COL19A1: variants seen among roughly 807,000 people sequenced by gnomAD.
COL19A1 encodes collagen type XIX alpha 1 chain, also known as collagen alpha-1(XIX) chain.
A neutral mutation model predicts 190.2 loss-of-function variants in COL19A1; 159 were observed. The observed-to-expected ratio is 0.84, with a 90% CI of 0.73 to 0.95. COL19A1 has a LOEUF of 0.95. Among genes scored for constraint, COL19A1 ranks in the 40% least tolerant of loss-of-function variants. The pLI is 0.00. For missense variants in COL19A1, 1,418 were observed against 1,431.9 expected (o/e 0.99, Z 0.16); for synonymous variants, 509 against 458.9 (o/e 1.11, Z -1.39).
At chr6:70,059,919 T>A in intron 14 of COL19A1, 2 of 334,250 alleles carry the variant, frequency 6.0e-6, no homozygotes, top group Non-Finnish European at 5.9e-6. Flanking sequence ...GCAAATTAAA[T>A]TGAAGAAGAA....
intron 11 of COL19A1, among the ~76,000 whole-genome samples, chr6:70,002,660 G>A (rs1777335649): frequency 1.3e-5 from 2 of 150,956 alleles, no homozygotes; most frequent in East Asian, 1.9e-4. Flanking sequence ...GTGTAGAGGT[G>A]TTTATAGTAT....
intron 11 of COL19A1, among the ~76,000 whole-genome samples, chr6:69,965,925 T>C (rs1775063124): frequency 1.3e-5 from 2 of 152,176 alleles, no homozygotes; most frequent in Non-Finnish European, 2.9e-5. Flanking sequence ...CTTCTCTCTC[T>C]ATATAGGAGT....
Position 70,203,087 on chromosome 6 carries a change from A to G in COL19A1, c.3223+3351A>G, listed in dbSNP as rs139735243. 9.2e-5 allele frequency among the ~76,000 whole-genome samples: 14 copies of G among 152,308 alleles called. No homozygotes were observed. The East Asian group carries it at 2.7e-3, about 29-fold the overall frequency. On this transcript the variant is annotated intron_variant, in intron 49 of 50. Coordinates refer to ENST00000620364, the MANE Select transcript of COL19A1 (RefSeq NM_001858.6). ...AAGCATGATTCAGCTGAGTTCCCCT[A>G]TATAAACAGGAGAGGCAAATTTTCC... is the stretch of plus-strand genomic sequence containing the variant.
Position 70,061,417 on chromosome 6 carries a change from A to G in COL19A1, c.1171-7006A>G, listed in dbSNP as rs1780821768. On this transcript the variant is annotated intron_variant, in intron 14 of 50. Coordinates refer to ENST00000620364, the MANE Select transcript of COL19A1 (RefSeq NM_001858.6). Reference sequence around the variant, plus strand: ...CCATAGCTGGGTCCTAGACTTAGCAAAAGTGTGGAGGAGGAGATCAGAGTC... The same window carrying G: ...CCATAGCTGGGTCCTAGACTTAGCAGAAGTGTGGAGGAGGAGATCAGAGTC... 2.0e-5 allele frequency among the ~76,000 whole-genome samples: 3 copies of G among 152,152 alleles called. No homozygotes were observed. The South Asian group carries it at 6.2e-4, about 32-fold the overall frequency.
chr6:69,999,375 T>A lies in COL19A1; in HGVS notation c.1027-24252T>A, dbSNP rs189442505. ...GTGAGACCCTGTCTCTACAAAAAAATTTTTTTTAAATAGCTAGATGTCATG... is the reference window on the plus strand; with the variant it reads ...GTGAGACCCTGTCTCTACAAAAAAAATTTTTTTAAATAGCTAGATGTCATG... On this transcript the variant is annotated intron_variant, in intron 11 of 50. Coordinates refer to ENST00000620364, the MANE Select transcript of COL19A1 (RefSeq NM_001858.6). Among the ~76,000 whole-genome samples, 1,342 of 151,838 alleles carry A rather than the reference T, an allele frequency of 8.8e-3. 23 individuals carry two copies. The highest frequency in any genetic ancestry group is 0.03 in the African/African-American group (1,240 of 41,442).
intron 4 of COL19A1, among the ~76,000 whole-genome samples, chr6:69,912,608 A>G (rs1221384870): frequency 6.6e-6 from 1 of 152,134 alleles, no homozygotes; most frequent in Non-Finnish European, 1.5e-5. Context: ...TGCCAGAATT[A>G]CCCTGTGGCT....
chr6:70,039,095 C>T (rs1779503793), intron 14 of COL19A1, among the ~76,000 whole-genome samples: 2 of 152,120 alleles, frequency 1.3e-5, no homozygotes, highest in East Asian at 3.9e-4. Flanking sequence ...ATCTTGACTG[C>T]ACATTGGAAT....
chr6:69,877,158 G>C (rs1430009438), intron 1 of COL19A1, among the ~76,000 whole-genome samples: 1 of 152,134 alleles, frequency 6.6e-6, no homozygotes, highest in Non-Finnish European at 1.5e-5. Context: ...TGGCACCCAA[G>C]TGATATGACA....
rs184611776 is a variant in COL19A1 at position 70,005,797 on chromosome 6, G to A, written c.1027-17830G>A. Among the ~76,000 whole-genome samples, 11 of 152,130 alleles carry A rather than the reference G, an allele frequency of 7.2e-5. No individual in the cohort carries two copies. The East Asian group carries it at 9.7e-4, about 13-fold the overall frequency. On this transcript the variant is annotated intron_variant, in intron 11 of 50. Coordinates refer to ENST00000620364, the MANE Select transcript of COL19A1 (RefSeq NM_001858.6). ...TGGTCCACAGAGACTGTGGTCACTC[G>A]CCCCCTGCCCAGGGGCTCATGCCCA...
chr6:70,197,696 T>C (rs1767299141), intron 48 of COL19A1, among the ~76,000 whole-genome samples: 2 of 152,160 alleles, frequency 1.3e-5, no homozygotes, highest in African/African-American at 4.8e-5. Flanking sequence ...GAGGTAGTGA[T>C]ACTCGAGGGC....
In COL19A1 at chr6:70,207,129, T is replaced by G; in HGVS notation, c.3302-18T>G. On this transcript the variant is annotated intron_variant, in intron 50 of 50. Transcript: ENST00000620364. ...GCCATATGTGATCTGCATTGTAATT[T>G]TTTTTTTATGTCGTTAGCTCTGGGT... 6.2e-7 allele frequency: 1 copy of G among 1,610,994 alleles called. No homozygotes were observed. The highest frequency in any genetic ancestry group is 8.5e-7 in the Non-Finnish European group (1 of 1,178,748).
At chr6:69,993,473 G>A (rs1463476332) in intron 11 of COL19A1, among the ~76,000 whole-genome samples, 4 of 152,070 alleles carry the variant, frequency 2.6e-5, no homozygotes, top group African/African-American at 9.7e-5. Context: ...TGGCCTCATA[G>A]GATGAGTTAG....
chr6:70,020,293 C>A (rs559813323), intron 11 of COL19A1, among the ~76,000 whole-genome samples: 1 of 152,032 alleles, frequency 6.6e-6, no homozygotes, highest in East Asian at 1.9e-4. Flanking sequence ...TCTTTTAATT[C>A]AGTTGATAGT....
chr6:70,158,382 A>G (rs1787571225), intron 34 of COL19A1, among the ~76,000 whole-genome samples: 1 of 152,132 alleles, frequency 6.6e-6, no homozygotes, highest in Admixed American at 6.6e-5. Flanking sequence ...ATCTAATCTT[A>G]TGAAATCTCA....
intron 4 of COL19A1, among the ~76,000 whole-genome samples, chr6:69,913,805 G>C (rs1304378647): frequency 2.0e-5 from 3 of 152,126 alleles, no homozygotes; most frequent in Non-Finnish European, 4.4e-5. Flanking sequence ...GAAAAAAACA[G>C]CTGAGCGCAT....
At chr6:70,082,373 T>G (rs1053364731) in intron 15 of COL19A1, among the ~76,000 whole-genome samples, 10 of 152,318 alleles carry the variant, frequency 6.6e-5, no homozygotes, top group African/African-American at 2.4e-4. Flanking sequence ...GATTTCTATC[T>G]TAATGTCATT....
At chr6:70,145,722 C>CTTTTTT (rs56306364) in intron 25 of COL19A1, among the ~76,000 whole-genome samples, 36,697 of 127,148 alleles carry the variant, frequency 0.29, 5,817 homozygotes, top group Middle Eastern at 0.37. Context: ...CTTATTGTTT[C>CTTTTTT]TTTTTTTTTT....
chr6:70,180,278 G>A, intron 42 of COL19A1, 34 bp from the exon 43 acceptor site: 1 of 1,613,566 alleles, frequency 6.2e-7, no homozygotes, highest in Non-Finnish European at 8.5e-7. Flanking sequence ...CAGCAATTTG[G>A]CTCCTAACAT....
rs763129923 is a variant in COL19A1, at chr6:70,142,021, A to G, written c.1519-2A>G. On this transcript the variant is annotated splice_acceptor_variant, in intron 21 of 50. Transcript: ENST00000620364. LOFTEE classifies it high-confidence loss of function. Reference sequence around the variant, plus strand: ...GATCTTTCCTTCCCCCCACGTGTTTAGGGTGAACCTGGAGATCCCGGACCC... The same window carrying G: ...GATCTTTCCTTCCCCCCACGTGTTTGGGGTGAACCTGGAGATCCCGGACCC... The G allele has an allele frequency of 1.9e-6, 3 of 1,612,476 alleles. No homozygotes were observed. Among genetic ancestry groups the G allele is most frequent in the Admixed American group, 1.7e-5 (1 of 59,852 alleles).
Sources: allele counts gnomAD v4.1 joint callset (sites outside exome capture counted in the v4.1 genomes callset), GRCh38; gene constraint gnomAD v4.1.1; transcripts MANE v1.5; gene names NCBI Gene and HGNC (gene_info 2026-07-23, HGNC 2026-07-21).